Variants in CLN6 observed in about 807,000 individuals in gnomAD.
CLN6 encodes the protein ceroid-lipofuscinosis neuronal protein 6.
CLN6 carries 22 observed loss-of-function variants against 33.3 expected under a neutral mutation model. The observed-to-expected ratio is 0.66, with a 90% CI of 0.47 to 0.94. The LOEUF (loss-of-function observed/expected upper bound fraction) is 0.94, where lower values mean the gene tolerates loss of function less well. CLN6 is among the 40% of genes least tolerant of loss of function. CLN6 has a pLI of 0.00. For synonymous variants in CLN6, 201 were observed against 174.6 expected (o/e 1.15, Z -1.19); for missense variants, 387 against 417.1 (o/e 0.93, Z 0.63).
intron 1 of CLN6, among the ~76,000 whole-genome samples, chr15:68,252,804 A>G (rs922676875): frequency 1.3e-5 from 2 of 152,250 alleles, no homozygotes; most frequent in Non-Finnish European, 2.9e-5. Context: ...TCAAACTTGC[A>G]TAAAGCTCAA....
chr15:68,243,134 C>A (rs907906779), intron 1 of CLN6, among the ~76,000 whole-genome samples: 18 of 152,190 alleles, frequency 1.2e-4, no homozygotes, highest in African/African-American at 4.3e-4. Flanking sequence ...GGGTTTTAAA[C>A]ATTGTCCTAA....
rs1595818069 is a variant in CLN6 at position 68,211,372 on chromosome 15, A to G, written c.487-54T>C. 6.2e-7 allele frequency: 1 copy of G among 1,603,296 alleles called. No homozygotes were observed. Among genetic ancestry groups the G allele is most frequent in the Admixed American group, 1.7e-5 (1 of 59,970 alleles). On this transcript the variant is annotated intron_variant, in intron 4 of 6. Transcript: ENST00000249806. This position sits in a 1 kb window ranked among gnomAD's most constrained non-coding sequence, Gnocchi z 5.9. ...GGGGGATGTCGATGTCAGTCCAGGG[A>G]GGTGCTGGGGCCCCAAGCATCCCCT... is the stretch of plus-strand genomic sequence containing the variant.
intron 1 of CLN6, among the ~76,000 whole-genome samples, chr15:68,226,123 G>T (rs373260328): frequency 2.0e-5 from 3 of 151,836 alleles, no homozygotes; most frequent in African/African-American, 2.4e-5. Flanking sequence ...TTTGAGACCA[G>T]CCTGGCCAAC....
chr15:68,235,619 T>A (rs1297062810), intron 1 of CLN6, among the ~76,000 whole-genome samples: 25 of 51,302 alleles, frequency 4.9e-4, no homozygotes, highest in Non-Finnish European at 6.7e-4. Context: ...TATATATATA[T>A]ATATATATAT....
rs1490593667 is a variant in CLN6 at position 68,210,297 on chromosome 15, G to A, written c.543-538C>T. ...CTTTCTCCCACCTGTGCTTTCACCA[G>A]TATACCCGCCTGCCTCTTCTCACCC... is the stretch of plus-strand genomic sequence containing the variant. On this transcript the variant is annotated intron_variant, in intron 5 of 6. Transcript: ENST00000249806. The surrounding 1 kb of genome is among the most constrained non-coding windows in gnomAD (Gnocchi z 5.6). Among the ~76,000 whole-genome samples the A allele has an allele frequency of 6.7e-6, 1 of 149,366 alleles. No individual in the cohort carries two copies. Among genetic ancestry groups the A allele is most frequent in the African/African-American group, 2.5e-5 (1 of 40,330 alleles).
At chr15:68,217,486 TC>T (rs2093223636) in intron 2 of CLN6, among the ~76,000 whole-genome samples, 1 of 152,220 alleles carries the variant, frequency 6.6e-6, no homozygotes, top group African/African-American at 2.4e-5. Context: ...TGTTTCAGCT[TC>T]CCAAAGTGCT....
At position 68,236,419 on chromosome 15, in the gene CLN6, C is replaced by G. The variant is rs1469705358; in HGVS notation, c.180-17769G>C. On this transcript the variant is annotated intron_variant, in intron 1 of 6. Transcript: ENST00000538696. The surrounding 1 kb of genome is among the most constrained non-coding windows in gnomAD (Gnocchi z 4.5). ...ACAAATTCAGTGGACTATTATACAG[C>G]TATAAGAAGGCACTAAGTACTGATG... is the stretch of plus-strand genomic sequence containing the variant. Among the ~76,000 whole-genome samples, 1 of 152,180 alleles carries G rather than the reference C, an allele frequency of 6.6e-6. No individual in the cohort carries two copies. Among genetic ancestry groups the G allele is most frequent in the East Asian group, 1.9e-4 (1 of 5,194 alleles).
chr15:68,253,551 A>G (rs982353787), intron 1 of CLN6, among the ~76,000 whole-genome samples: 4 of 152,236 alleles, frequency 2.6e-5, no homozygotes, highest in Non-Finnish European at 4.4e-5. Context: ...CACCACTAGC[A>G]TTAGAACCAC....
At position 68,236,823 on chromosome 15, in the gene CLN6, A is replaced by G. The variant is rs1892222725; in HGVS notation, c.180-18173T>C. Among the ~76,000 whole-genome samples the G allele has an allele frequency of 6.6e-6, 1 of 152,254 alleles. No homozygotes were observed. The highest frequency in any genetic ancestry group is 2.1e-4 in the South Asian group (1 of 4,834). On this transcript the variant is annotated intron_variant, in intron 1 of 6. Transcript: ENST00000538696. This position sits in a 1 kb window ranked among gnomAD's most constrained non-coding sequence, Gnocchi z 4.5. ...GATCAGACATATCTGAAAAATAAGC[A>G]AATAGAAATTTTAGAGCTTAACAAT...
In CLN6 at chr15:68,229,701, G is replaced by C. The variant is rs2093263530; in HGVS notation, c.-117C>G. On this transcript the variant is annotated 5_prime_UTR_variant, in exon 1 of 7. Coordinates refer to ENST00000249806, the MANE Select transcript of CLN6 (RefSeq NM_017882.3). ...GCGGGGCGGTTCGGGGCGGGCCGGC[G>C]AGAGCGCGCGGCCCTCGGGAGGAAC... 1.3e-6 allele frequency: 1 copy of C among 757,650 alleles called. No homozygotes were observed. Among genetic ancestry groups the C allele is most frequent in the Non-Finnish European group, 1.8e-6 (1 of 544,052 alleles). The allele number at this position is 757,650 out of a possible 1,614,324, so 46.9% of individuals were successfully genotyped here. A position where few individuals can be genotyped will look rare whatever the true frequency, so the allele number is the denominator to read the frequency against.
intron 1 of CLN6, among the ~76,000 whole-genome samples, chr15:68,254,262 C>T (rs1389730362): frequency 2.6e-5 from 4 of 152,070 alleles, no homozygotes; most frequent in Non-Finnish European, 5.9e-5. Context: ...AGAGAGAGCA[C>T]GATACGAAAG....
intron 1 of CLN6, among the ~76,000 whole-genome samples, chr15:68,223,228 G>T (rs548034310): frequency 1.1e-4 from 16 of 152,306 alleles, no homozygotes; most frequent in African/African-American, 3.8e-4. Context: ...ATCTAACTAG[G>T]CAGAAAAGCA....
intron 1 of CLN6, among the ~76,000 whole-genome samples, chr15:68,222,369 C>T (rs112940674): frequency 0.48 from 66,463 of 138,840 alleles, 16,412 homozygotes; most frequent in Non-Finnish European, 0.55. Context: ...TCTGCCCGGC[C>T]GCCCCGTCTG....
Position 68,211,677 on chromosome 15 carries a change from G to A in CLN6, c.484C>T (p.Leu162=), listed in dbSNP as rs754350658. 6.2e-7 allele frequency: 1 copy of A among 1,613,512 alleles called. No homozygotes were observed. The highest frequency in any genetic ancestry group is 8.5e-7 in the Non-Finnish European group (1 of 1,179,986). The change falls in exon 4 of 7, where the codon CTG becomes TTG. Residue 162 remains leucine, a splice_region_variant and synonymous_variant. Coordinates refer to ENST00000249806, the MANE Select transcript of CLN6 (RefSeq NM_017882.3). This position sits in a 1 kb window ranked among gnomAD's most constrained non-coding sequence, Gnocchi z 5.9. The part of the protein sequence containing the change: ...PIIKNLKPET[L]IDSFELLYYY... ...CAGGGAGCAGGAGGTGGCCTCACCA[G>A]CGTCTCCGGCTTGAGATTCTTGATG... is the stretch of plus-strand genomic sequence containing the variant.
At chr15:68,253,240 C>CA (rs1471405870) in intron 1 of CLN6, among the ~76,000 whole-genome samples, 5 of 152,220 alleles carry the variant, frequency 3.3e-5, no homozygotes, top group Non-Finnish European at 5.9e-5. Flanking sequence ...TTGATGTGCT[C>CA]AGAGTGTTTA....
Position 68,218,627 on chromosome 15 carries a change from T to C in CLN6, c.107A>G (p.Glu36Gly), listed in dbSNP as rs1278386781. 1 of 1,613,604 alleles carries C rather than the reference T, an allele frequency of 6.2e-7. No homozygotes were observed. The highest frequency in any genetic ancestry group is 1.1e-5 in the South Asian group (1 of 91,072). The change falls in exon 2 of 7, where the codon GAG becomes GGG. Residue 36 changes from glutamate (E) to glycine (G), a missense_variant. Glu to Gly is a moderately conservative substitution (Grantham distance 98). Transcript: ENST00000249806. ...GTGGAAGGGAGCCGTGCGGGCAGCC[T>C]CATCAGCGCTCACAGAGCCATGCCT... ...QARHGSVSAD[E>G]AARTAPFHLD...
At chr15:68,223,079 C>A (rs1044448540) in intron 1 of CLN6, among the ~76,000 whole-genome samples, 1 of 151,868 alleles carries the variant, frequency 6.6e-6, no homozygotes, top group Non-Finnish European at 1.5e-5. Context: ...ATCCTATGAC[C>A]CTGCCACATC....
intron 1 of CLN6, among the ~76,000 whole-genome samples, chr15:68,237,600 A>C (rs558213466): frequency 1.3e-5 from 2 of 152,250 alleles, no homozygotes; most frequent in Non-Finnish European, 2.9e-5. Context: ...GATTGACAAA[A>C]TTACCTAAAA....
intron 1 of CLN6, among the ~76,000 whole-genome samples, chr15:68,239,717 A>G (rs1346455791): frequency 6.6e-6 from 1 of 152,212 alleles, no homozygotes; most frequent in African/African-American, 2.4e-5. Context: ...AAAGATTTGA[A>G]TAACACAATT....
Sources: gnomAD v4.1 joint callset for allele counts (sites outside exome capture counted in the v4.1 genomes callset) on GRCh38, gnomAD v4.1.1 for gene constraint, Gnocchi (gnomAD v3.1) non-coding constraint, MANE v1.5 for transcripts, NCBI Gene and HGNC (gene_info 2026-07-23, HGNC 2026-07-21) for gene names.